PNPLA6: variants seen among roughly 807,000 people sequenced by gnomAD.
PNPLA6 encodes patatin like domain 6, lysophospholipase.
Under a neutral mutation model 153.7 loss-of-function variants are expected in PNPLA6, and 105 were observed. The ratio of observed to expected loss-of-function variants is 0.68; its 90% CI spans 0.58 to 0.80. The LOEUF (loss-of-function observed/expected upper bound fraction) is 0.80. Among genes scored for constraint, PNPLA6 ranks in the 30% least tolerant of loss-of-function variants. The pLI, the probability that PNPLA6 is intolerant of heterozygous loss-of-function variation, is 0.00. For missense variants in PNPLA6, 1,423 were observed against 1,919.3 expected, an observed-to-expected ratio of 0.74 and a Z score of 4.83; for synonymous variants, 825 against 822.2, an observed-to-expected ratio of 1.00 and a Z score of -0.06.
chr19:7,548,783 C>A (rs1322772557), intron 13 of PNPLA6, among the ~76,000 whole-genome samples: 3 of 145,442 alleles, frequency 2.1e-5, no homozygotes, highest in African/African-American at 7.6e-5. Flanking sequence ...TATATATAAT[C>A]TATGTAAAAA....
chr19:7,559,636 C>T (rs1483665463), intron 28 of PNPLA6, among the ~76,000 whole-genome samples: 1 of 150,912 alleles, frequency 6.6e-6, no homozygotes, highest in Non-Finnish European at 1.5e-5. Context: ...ACCAGGAGTT[C>T]AAGACCAGCC....
At chr19:7,545,482 C>T (rs2023348602) in intron 13 of PNPLA6, among the ~76,000 whole-genome samples, 1 of 152,146 alleles carries the variant, frequency 6.6e-6, no homozygotes, top group Admixed American at 6.6e-5. Flanking sequence ...CTCTCCATTT[C>T]TGGGCGGTTT....
At chr19:7,537,968 G>A (rs1269888141) in intron 3 of PNPLA6, among the ~76,000 whole-genome samples, 3 of 151,966 alleles carry the variant, frequency 2.0e-5, no homozygotes, top group African/African-American at 7.2e-5. Flanking sequence ...GAGTTGAGTA[G>A]AAGGACTATC....
chr19:7,549,912 G>C lies in PNPLA6; in HGVS notation c.1614G>C (p.Val538=). Reference sequence around the variant, plus strand: ...CACATCCCCTGCCCGCACAGGACGTGAGCCTGCACTTCGTGCTCTGGGGCT... The same window carrying C: ...CACATCCCCTGCCCGCACAGGACGTCAGCCTGCACTTCGTGCTCTGGGGCT... The part of the protein sequence containing the change: ...TIIARQGDQD[V]SLHFVLWGCL... Residue 538 remains valine (V), a synonymous_variant, in exon 14 of 32, where the codon GTG becomes GTC. Transcript: ENST00000600737. 1 of 1,613,530 alleles carries C rather than the reference G, an allele frequency of 6.2e-7. No homozygotes were observed. The highest frequency in any genetic ancestry group is 1.1e-5 in the South Asian group (1 of 91,092).
Position 7,540,210 on chromosome 19 carries a change from C to A in PNPLA6, c.616C>A (p.Arg206=), listed in dbSNP as rs1421938808. The change falls in exon 5 of 32, where the codon CGG becomes AGG. Residue 206 remains arginine (R), a synonymous_variant. Transcript: ENST00000600737. The surrounding 1 kb of genome is among the most constrained non-coding windows in gnomAD (Gnocchi z 6.8). ...LELCRHMVFQ[R]LGQGDYVFRP... ...GCTCTGCCGCCACATGGTCTTCCAG[C>A]GGCTGGGCCAGGGTGACTACGTCTT... 1.2e-6 allele frequency: 2 copies of A among 1,610,158 alleles called. No homozygotes were observed. Among genetic ancestry groups the A allele is most frequent in the Admixed American group, 1.7e-5 (1 of 60,010 alleles).
Position 7,541,998 on chromosome 19 carries a change from C to A in PNPLA6, c.1183C>A (p.Pro395Thr), listed in dbSNP as rs777094785. ...LPGPTGDPVK[P>T]TSLETPSAPL... ...GTCTCCCCCAGGGGACCCTGTGAAG[C>A]CCACATCCCTGGAAACCCCCTCGGC... Residue 395 changes from proline (P) to threonine (T), a missense_variant, in exon 10 of 32, where the codon CCC becomes ACC. Pro to Thr is a conservative substitution (Grantham distance 38). Transcript: ENST00000600737. The surrounding 1 kb of genome is among the most constrained non-coding windows in gnomAD (Gnocchi z 5.2). 3.1e-6 allele frequency: 5 copies of A among 1,608,288 alleles called. No individual in the cohort carries two copies. The highest frequency in any genetic ancestry group is 4.2e-6 in the Non-Finnish European group (5 of 1,179,736).
At chr19:7,556,809 G>C in intron 26 of PNPLA6, 85 bp downstream of exon 26, 1 of 1,014,958 alleles carries the variant, frequency 9.9e-7, no homozygotes, top group Non-Finnish European at 1.6e-6. Context: ...TGAGCTTCTG[G>C]GACGTTGTTA....
chr19:7,558,377 A>C (rs1277520515), intron 27 of PNPLA6, among the ~76,000 whole-genome samples: 2 of 152,218 alleles, frequency 1.3e-5, no homozygotes, highest in Non-Finnish European at 2.9e-5. Flanking sequence ...CATGCCTGTA[A>C]TCCCAGCACT....
intron 13 of PNPLA6, 85 bp downstream of exon 13, chr19:7,543,169 G>A: frequency 8.7e-7 from 1 of 1,155,232 alleles, no homozygotes; most frequent in Non-Finnish European, 1.3e-6. Context: ...CCCTTTGACT[G>A]TAAGACCAGC....
Position 7,557,436 on chromosome 19 carries a change from AC to A in PNPLA6, c.3397+153del, listed in dbSNP as rs1440386007. On this transcript the variant is annotated intron_variant, in intron 27 of 31. Coordinates refer to ENST00000600737, the MANE Select transcript of PNPLA6 (RefSeq NM_001166114.2). ...GACACACATGCGCACACATACGATC[AC>A]TTGCACAAAATGATACATGAATGTG... 5 of 688,942 alleles carry A rather than the reference AC, an allele frequency of 7.3e-6. No individual in the cohort carries two copies. The East Asian group carries it at 1.4e-4, about 19-fold the overall frequency. The allele number at this position is 688,942 out of a possible 1,614,324, so 42.7% of individuals were successfully genotyped here. A position where few individuals can be genotyped will look rare whatever the true frequency, so the allele number is the denominator to read the frequency against.
chr19:7,552,069 C>T (rs2023676487), intron 18 of PNPLA6, among the ~76,000 whole-genome samples: 1 of 152,172 alleles, frequency 6.6e-6, no homozygotes, highest in Non-Finnish European at 1.5e-5. Flanking sequence ...GTGATCGTGC[C>T]ACTGTACTCC....
rs747377799 is a variant in PNPLA6 at position 7,561,026 on chromosome 19, C to A, written c.3829C>A (p.Pro1277Thr). 6.2e-7 allele frequency: 1 copy of A among 1,611,596 alleles called. No individual in the cohort carries two copies. Among genetic ancestry groups the A allele is most frequent in the Non-Finnish European group, 8.5e-7 (1 of 1,178,990 alleles). Residue 1277 changes from proline to threonine, a missense_variant, in exon 30 of 32, where the codon CCA becomes ACA. By Grantham distance (38) the Pro-to-Thr change is conservative. Transcript: ENST00000600737. ...ESRRADVLAFPSSGFTDLAEI... is the reference protein window; with the variant it reads ...ESRRADVLAFTSSGFTDLAEI... Reference sequence around the variant, plus strand: ...TGTCACCCCACAGGTGCTTGCCTTCCCAAGCTCTGGCTTCACTGACTTGGC... The same window carrying A: ...TGTCACCCCACAGGTGCTTGCCTTCACAAGCTCTGGCTTCACTGACTTGGC...
Position 7,535,936 on chromosome 19 carries a change from CT to C in PNPLA6, c.150del (p.Gly51AlafsTer2). ...GCCAGTGCCGTTCGTCCCTCAGGTGCTTGGCGTGATGATCGGGGCCGGAGTG... is the reference window on the plus strand; with the variant it reads ...GCCAGTGCCGTTCGTCCCTCAGGTGCTGGCGTGATGATCGGGGCCGGAGTG... ...AQPVPFVPQV[L>X]GVMIGAGVAV... On this transcript the variant is annotated frameshift_variant, in exon 1 of 32. Coordinates refer to ENST00000600737, the MANE Select transcript of PNPLA6 (RefSeq NM_001166114.2). LOFTEE classifies it high-confidence loss of function. The surrounding 1 kb of genome is among the most constrained non-coding windows in gnomAD (Gnocchi z 5.0). 1 of 1,583,596 alleles carries C rather than the reference CT, an allele frequency of 6.3e-7. No individual in the cohort carries two copies. Among genetic ancestry groups the C allele is most frequent in the Non-Finnish European group, 8.5e-7 (1 of 1,169,986 alleles).
intron 13 of PNPLA6, 200 bp from the exon 14 acceptor site, chr19:7,549,707 G>A (rs954982082): frequency 9.8e-6 from 6 of 611,972 alleles, no homozygotes; most frequent in Non-Finnish European, 1.2e-5. Context: ...GGCTGGTGCC[G>A]AACTCCTGGC....
Position 7,541,318 on chromosome 19 carries a change from G to GC in PNPLA6, c.925-32dup. 6.3e-7 allele frequency: 1 copy of GC among 1,584,664 alleles called. No individual in the cohort carries two copies. The highest frequency in any genetic ancestry group is 8.7e-7 in the Non-Finnish European group (1 of 1,156,040). ...ACCATCTGGCCCTGCCCCTTACCCC[G>GC]CCCCATCTTATGGCCACGCCCCTCG... On this transcript the variant is annotated intron_variant, in intron 7 of 31. Coordinates refer to ENST00000600737, the MANE Select transcript of PNPLA6 (RefSeq NM_001166114.2). The surrounding 1 kb of genome is among the most constrained non-coding windows in gnomAD (Gnocchi z 5.2).
At position 7,550,071 on chromosome 19, in the gene PNPLA6, C is replaced by A. The variant is rs769077760; in HGVS notation, c.1773C>A (p.Arg591=). Residue 591 remains arginine (R), a synonymous_variant, in exon 14 of 32, where the codon CGC becomes CGA. Transcript: ENST00000600737. The part of the protein sequence containing the change: ...EPLIFTLRAQ[R]DCTFLRISKS... ...TCATCTTCACACTGCGAGCCCAACG[C>A]GACTGCACCTTCCTGCGGATCTCCA... 4 of 1,613,982 alleles carry A rather than the reference C, an allele frequency of 2.5e-6. No homozygotes were observed. The highest frequency in any genetic ancestry group is 3.3e-5 in the Admixed American group (2 of 60,008).
chr19:7,560,797 C>A, intron 29 of PNPLA6, 33 bp downstream of exon 29: 1 of 1,341,202 alleles, frequency 7.5e-7, no homozygotes, highest in Non-Finnish European at 1.1e-6. Flanking sequence ...GCCACTCTGA[C>A]TCCACTGATT....
rs1439238561 is a variant in PNPLA6 at position 7,547,822 on chromosome 19, T to TAAA, written c.1609-2085_1609-2084insAAA. Among the ~76,000 whole-genome samples the TAAA allele has an allele frequency of 3.5e-3, 144 of 41,312 alleles. 3 individuals are homozygous for TAAA. The highest frequency in any genetic ancestry group is 0.012 in the Middle Eastern group (1 of 82). 27.1% of individuals were successfully genotyped at this position (41,312 alleles called of 152,430 possible). A position where few individuals can be genotyped will look rare whatever the true frequency, so the allele number is the denominator to read the frequency against. On this transcript the variant is annotated intron_variant, in intron 13 of 31. Coordinates refer to ENST00000600737, the MANE Select transcript of PNPLA6 (RefSeq NM_001166114.2). ...CTGGCTAATTAAAAATTTTTTTTTT[T>TAAA]TTTTTTTTTTTTTTTTTTTTTGTAG...
At position 7,555,052 on chromosome 19, in the gene PNPLA6, T is replaced by C; in HGVS notation, c.2794T>C (p.Ser932Pro). Residue 932 changes from serine (S) to proline (P), a missense_variant, in exon 22 of 32, where the codon TCG becomes CCG. By Grantham distance (74) the Ser-to-Pro change is moderately conservative. Transcript: ENST00000600737. This position sits in a 1 kb window ranked among gnomAD's most constrained non-coding sequence, Gnocchi z 6.3. ...CCTGCGCTGTCCGCGCCGCCTCTTT[T>C]CGCGCCGCAGCCCTGCCAAGCTGGT... ...LHLRCPRRLF[S>P]RRSPAKLHEL... 1 of 1,592,990 alleles carries C rather than the reference T, an allele frequency of 6.3e-7. No individual in the cohort carries two copies. The highest frequency in any genetic ancestry group is 8.5e-7 in the Non-Finnish European group (1 of 1,178,048).
Sources: gnomAD v4.1 joint callset for allele counts (sites outside exome capture counted in the v4.1 genomes callset) on GRCh38, gnomAD v4.1.1 for gene constraint, Gnocchi (gnomAD v3.1) non-coding constraint, MANE v1.5 for transcripts, NCBI Gene and HGNC (gene_info 2026-07-23, HGNC 2026-07-21) for gene names.